Variants in TMEM45B observed in about 807,000 individuals in gnomAD.
TMEM45B encodes transmembrane protein 45B.
In TMEM45B, 29 loss-of-function variants were observed where a neutral mutation model predicts 27.3. The observed-to-expected ratio is 1.06, with a 90% CI of 0.79 to 1.45. The LOEUF (loss-of-function observed/expected upper bound fraction) is 1.45. Ranked by LOEUF, TMEM45B falls within the 40% of genes most tolerant of loss-of-function variation. The probability of loss-of-function intolerance (pLI) is 0.00; values close to 1 mark genes in which losing one functional copy is unlikely to be tolerated. For missense variants in TMEM45B, 348 were observed against 343.9 expected (o/e 1.01, Z -0.09); for synonymous variants, 143 against 134.7 (o/e 1.06, Z -0.43).
rs370168768 is a variant in TMEM45B, at chr11:129,823,520, C to T, written c.-9+7622C>T. ...TCCCAGAACAGTGCCTTATGCATAA[C>T]AGGTACTTGATAAATGTTAGTTGAC... On this transcript the variant is annotated intron_variant, in intron 1 of 5. Transcript: ENST00000281441. Among the ~76,000 whole-genome samples the T allele has an allele frequency of 2.4e-4, 37 of 152,306 alleles. No homozygotes were observed. In the East Asian group the frequency reaches 4.8e-3, roughly 20 times the overall value.
intron 2 of TMEM45B, among the ~76,000 whole-genome samples, chr11:129,853,150 G>C (rs915255312): frequency 6.6e-6 from 1 of 152,118 alleles, no homozygotes; most frequent in Non-Finnish European, 1.5e-5. Flanking sequence ...TTAGCCAGTG[G>C]GAGAGAAAAA....
In TMEM45B at chr11:129,821,861, C is replaced by T. The variant is rs376676557; in HGVS notation, c.-9+5963C>T. On this transcript the variant is annotated intron_variant, in intron 1 of 5. Transcript: ENST00000281441. ...TTTAATGTTGGGGTGGGTTTTTTGG[C>T]GGGGTGGGGGGAATACAGGGAGGTA... Among the ~76,000 whole-genome samples the T allele has an allele frequency of 2.7e-3, 390 of 146,384 alleles. 2 individuals are homozygous for T. Among genetic ancestry groups the T allele is most frequent in the African/African-American group, 8.9e-3 (351 of 39,506 alleles).
intron 1 of TMEM45B, among the ~76,000 whole-genome samples, chr11:129,848,701 G>C (rs1947803167): frequency 6.6e-6 from 1 of 152,184 alleles, no homozygotes; most frequent in Non-Finnish European, 1.5e-5. Flanking sequence ...CTAGATCACT[G>C]TCTCAGTCTG....
intron 1 of TMEM45B, among the ~76,000 whole-genome samples, chr11:129,843,613 A>G (rs1349540198): frequency 2.0e-5 from 3 of 152,064 alleles, no homozygotes; most frequent in African/African-American, 7.2e-5. Context: ...GAGAAAAAAA[A>G]AAAAAAGTGG....
intron 1 of TMEM45B, among the ~76,000 whole-genome samples, chr11:129,824,904 G>A (rs1268102224): frequency 6.6e-6 from 1 of 152,146 alleles, no homozygotes; most frequent in Non-Finnish European, 1.5e-5. Flanking sequence ...GGAATGAAAA[G>A]GACGTGCAAT....
chr11:129,823,182 T>C (rs1180855888), intron 1 of TMEM45B, among the ~76,000 whole-genome samples: 2 of 152,186 alleles, frequency 1.3e-5, no homozygotes, highest in Non-Finnish European at 2.9e-5. Context: ...GGGACAGAAT[T>C]TCTGTCCTTG....
chr11:129,859,898 C>G lies in TMEM45B; in HGVS notation c.*1213C>G, dbSNP rs944310934. The G allele has an allele frequency of 6.6e-6, 1 of 152,510 alleles. No individual in the cohort carries two copies. The highest frequency in any genetic ancestry group is 2.4e-5 in the African/African-American group (1 of 41,386). 9.4% of individuals were successfully genotyped at this position (152,510 alleles called of 1,614,324 possible). A position where few individuals can be genotyped will look rare whatever the true frequency, so the allele number is the denominator to read the frequency against. On this transcript the variant is annotated 3_prime_UTR_variant, in exon 6 of 6. Transcript: ENST00000281441. ...AACAGCACTGAAATGGCTGTAAGGACTCCTGAGATATGTGTCCAGCAAGGA... is the reference window on the plus strand; with the variant it reads ...AACAGCACTGAAATGGCTGTAAGGAGTCCTGAGATATGTGTCCAGCAAGGA...
At chr11:129,821,695 T>C (rs1947421782) in intron 1 of TMEM45B, among the ~76,000 whole-genome samples, 1 of 152,216 alleles carries the variant, frequency 6.6e-6, no homozygotes, top group African/African-American at 2.4e-5. Flanking sequence ...AAAACATTGC[T>C]CTATTTTATT....
In TMEM45B at chr11:129,854,809, C is replaced by A. The variant is rs1265599833; in HGVS notation, c.378C>A (p.Phe126Leu). Residue 126 changes from phenylalanine to leucine, a missense_variant, in exon 3 of 6, where the codon TTC becomes TTA. Transcript: ENST00000281441. ...VDRLVMAVAV[F>L]MEGFLFYYHV... Reference sequence around the variant, plus strand: ...GACTGGTTATGGCTGTGGCAGTATTCATGGAAGGTAATTTTGTGGAACGGA... The same window carrying A: ...GACTGGTTATGGCTGTGGCAGTATTAATGGAAGGTAATTTTGTGGAACGGA... 1 of 1,613,026 alleles carries A rather than the reference C, an allele frequency of 6.2e-7. No homozygotes were observed. Among genetic ancestry groups the A allele is most frequent in the Non-Finnish European group, 8.5e-7 (1 of 1,179,952 alleles).
intron 1 of TMEM45B, among the ~76,000 whole-genome samples, chr11:129,851,246 TAA>T (rs1490985046): frequency 6.6e-6 from 1 of 152,040 alleles, no homozygotes; most frequent in East Asian, 1.9e-4. Flanking sequence ...AGTCCCTTCT[TAA>T]AAGTCCTCTT....
rs559374166 is a variant in TMEM45B at position 129,855,382 on chromosome 11, T to C, written c.386-326T>C. On this transcript the variant is annotated intron_variant, in intron 3 of 5. Transcript: ENST00000281441. ...CATCTAACAACCTCACTTCTGTACC[T>C]CAGCAAGAGTCGAAAAAGGTTGAGG... 5.2e-4 allele frequency among the ~76,000 whole-genome samples: 79 copies of C among 152,034 alleles called. No individual in the cohort carries two copies. In the South Asian group the frequency reaches 0.016, roughly 31 times the overall value.
intron 1 of TMEM45B, among the ~76,000 whole-genome samples, chr11:129,833,706 C>T (rs563739534): frequency 4.6e-5 from 7 of 151,808 alleles, no homozygotes; most frequent in South Asian, 2.1e-4. Context: ...ACCCAGAAGG[C>T]GGAGGTTGCA....
intron 2 of TMEM45B, 41 bp from the exon 3 acceptor site, chr11:129,854,569 C>G: frequency 1.9e-6 from 3 of 1,587,976 alleles, no homozygotes; most frequent in Non-Finnish European, 2.6e-6. Flanking sequence ...TGTCTTAGAG[C>G]TACTCTTCCC....
chr11:129,826,374 C>T (rs1002316083), intron 1 of TMEM45B, among the ~76,000 whole-genome samples: 1 of 151,650 alleles, frequency 6.6e-6, no homozygotes, highest in African/African-American at 2.4e-5. Context: ...ACAGTGAAAC[C>T]GTGTGCCTAC....
intron 1 of TMEM45B, among the ~76,000 whole-genome samples, chr11:129,824,355 ATGTCTGTATC>A (rs1947454882): frequency 6.6e-6 from 1 of 152,114 alleles, no homozygotes; most frequent in Non-Finnish European, 1.5e-5. Context: ...ACCCCACAAT[ATGTCTGTATC>A]TGTTTTAAAA....
At chr11:129,822,841 C>CTTT (rs981694529) in intron 1 of TMEM45B, among the ~76,000 whole-genome samples, 8 of 134,110 alleles carry the variant, frequency 6.0e-5, no homozygotes, top group South Asian at 2.4e-4. Flanking sequence ...AAACATTTTT[C>CTTT]TTTTTTTTTT....
chr11:129,826,711 CTTT>C (rs199652269), intron 1 of TMEM45B, among the ~76,000 whole-genome samples: 3 of 135,426 alleles, frequency 2.2e-5, no homozygotes, highest in African/African-American at 2.7e-5. Flanking sequence ...ATTTGTTTTT[CTTT>C]TTTTTTTTTT....
chr11:129,857,291 ACT>A lies in TMEM45B; in HGVS notation c.571-21_571-20del. On this transcript the variant is annotated intron_variant, in intron 4 of 5. Transcript: ENST00000281441. ...CTCAGGACGACCAACCACAAGACCA[ACT>A]TCTCTCTGTAATCCCCTAGATTGGG... 6.2e-7 allele frequency: 1 copy of A among 1,611,350 alleles called. No homozygotes were observed. Among genetic ancestry groups the A allele is most frequent in the East Asian group, 2.2e-5 (1 of 44,794 alleles).
chr11:129,841,027 C>CATTTCAGG (rs1947685379), intron 1 of TMEM45B, among the ~76,000 whole-genome samples: 1 of 141,978 alleles, frequency 7.0e-6, no homozygotes. Context: ...CAAAACCAAG[C>CATTTCAGG]ATTTCAGGGA....
Sources: gnomAD v4.1 joint callset for allele counts (sites outside exome capture counted in the v4.1 genomes callset) on GRCh38, gnomAD v4.1.1 for gene constraint, MANE v1.5 for transcripts, NCBI Gene and HGNC (gene_info 2026-07-23, HGNC 2026-07-21) for gene names.